The following FGGY variants were observed in gnomAD, a reference collection of about 807,000 sequenced individuals.
The protein encoded by FGGY is FGGY carbohydrate kinase domain containing.
FGGY carries 72 observed loss-of-function variants against 71.3 expected under a neutral mutation model. That is an observed-to-expected ratio of 1.01 (90% CI 0.84 to 1.23). The LOEUF is 1.23. Ranked by LOEUF, FGGY falls within the 50% of genes most tolerant of loss-of-function variation. The pLI is 0.00. For synonymous variants in FGGY, 251 were observed against 250.3 expected (o/e 1.00, Z -0.02); for missense variants, 668 against 682.3 (o/e 0.98, Z 0.23).
chr1:59,373,754 A>G (rs968304886), intron 4 of FGGY, among the ~76,000 whole-genome samples: 1 of 152,126 alleles, frequency 6.6e-6, no homozygotes, highest in Non-Finnish European at 1.5e-5. Context: ...ATAACGCCGC[A>G]TATCTACAAC....
intron 6 of FGGY, among the ~76,000 whole-genome samples, chr1:59,505,999 C>T (rs1206425346): frequency 2.0e-5 from 3 of 151,936 alleles, no homozygotes; most frequent in African/African-American, 4.8e-5. Flanking sequence ...AGACTTGAGC[C>T]TAAGAGCTCT....
chr1:59,303,112 T>C (rs1187506794), intron 1 of FGGY, among the ~76,000 whole-genome samples: 1 of 152,238 alleles, frequency 6.6e-6, no homozygotes, highest in Non-Finnish European at 1.5e-5. Flanking sequence ...TCACCTCATG[T>C]ACTCTTTCTT....
At chr1:59,537,987 A>T (rs534544080) in intron 7 of FGGY, among the ~76,000 whole-genome samples, 1 of 152,276 alleles carries the variant, frequency 6.6e-6, no homozygotes, top group East Asian at 1.9e-4. Context: ...AAAAGCCAAA[A>T]TTGACAAATG....
chr1:59,751,448 T>C (rs1418722416), intron 14 of FGGY, among the ~76,000 whole-genome samples: 1 of 152,224 alleles, frequency 6.6e-6, no homozygotes, highest in Non-Finnish European at 1.5e-5. Flanking sequence ...AAAAGCATGA[T>C]GTGCTATACT....
chr1:59,617,979 G>T (rs116454481), intron 9 of FGGY, among the ~76,000 whole-genome samples: 2 of 152,050 alleles, frequency 1.3e-5, no homozygotes, highest in Non-Finnish European at 2.9e-5. Context: ...GCTATAAATG[G>T]GTGTATGGAA....
intron 13 of FGGY, among the ~76,000 whole-genome samples, chr1:59,672,680 G>T (rs1442761520): frequency 6.6e-6 from 1 of 152,220 alleles, no homozygotes; most frequent in Non-Finnish European, 1.5e-5. Flanking sequence ...CTGGAGGAAA[G>T]AATTGAGTGG....
intron 2 of FGGY, among the ~76,000 whole-genome samples, chr1:59,337,214 C>T (rs1417815168): frequency 6.6e-6 from 1 of 151,920 alleles, no homozygotes; most frequent in African/African-American, 2.4e-5. Flanking sequence ...CAATGCAGTC[C>T]TGAATAAGTC....
rs183917389 is a variant in FGGY at position 59,333,818 on chromosome 1, C to T, written c.202-6140C>T. ...CTGCCTGTCAGGAAATGGGTTTGGTCCTCACACTGTAAGTCTAGATAGATC... is the reference window on the plus strand; with the variant it reads ...CTGCCTGTCAGGAAATGGGTTTGGTTCTCACACTGTAAGTCTAGATAGATC... On this transcript the variant is annotated intron_variant, in intron 2 of 15. Coordinates refer to ENST00000303721, the MANE Select transcript of FGGY (RefSeq NM_018291.5). Among the ~76,000 whole-genome samples, 2 of 152,296 alleles carry T rather than the reference C, an allele frequency of 1.3e-5. 1 individual carries two copies. Among genetic ancestry groups the T allele is most frequent in the Admixed American group, 1.3e-4 (2 of 15,296 alleles).
intron 14 of FGGY, among the ~76,000 whole-genome samples, chr1:59,702,469 C>T (rs72666293): frequency 0.17 from 25,479 of 152,060 alleles, 2,626 homozygotes; most frequent in Admixed American, 0.3. Context: ...AATGGAACTG[C>T]ATATAGCTGA....
chr1:59,588,322 T>C (rs2153781298), intron 8 of FGGY, among the ~76,000 whole-genome samples: 1 of 152,144 alleles, frequency 6.6e-6, no homozygotes, highest in East Asian at 1.9e-4. Context: ...GTCTGATTGG[T>C]GTACCTGAAA....
At chr1:59,333,126 A>G (rs562375464) in intron 2 of FGGY, among the ~76,000 whole-genome samples, 1 of 152,330 alleles carries the variant, frequency 6.6e-6, no homozygotes, top group East Asian at 1.9e-4. Context: ...TTCTTTGGAC[A>G]CCACATCCTG....
At chr1:59,333,871 C>T (rs2048958449) in intron 2 of FGGY, among the ~76,000 whole-genome samples, 1 of 152,208 alleles carries the variant, frequency 6.6e-6, no homozygotes, top group Admixed American at 6.5e-5. Flanking sequence ...TGGGTATTCA[C>T]TTGGTACTGT....
intron 14 of FGGY, chr1:59,754,988 C>T (rs895318917): frequency 6.6e-6 from 1 of 152,216 alleles, no homozygotes; most frequent in Non-Finnish European, 1.5e-5. Context: ...GGACATGCAG[C>T]AGATTCTCTG....
intron 14 of FGGY, among the ~76,000 whole-genome samples, chr1:59,683,857 G>A (rs976528618): frequency 6.6e-6 from 1 of 152,172 alleles, no homozygotes; most frequent in African/African-American, 2.4e-5. Context: ...TATTGAAGGG[G>A]AAGCCAAATT....
chr1:59,675,805 C>T (rs868842161), intron 14 of FGGY, among the ~76,000 whole-genome samples: 2 of 152,134 alleles, frequency 1.3e-5, no homozygotes, highest in South Asian at 4.1e-4. Flanking sequence ...GTGTTGTGAA[C>T]TGAATATTTG....
chr1:59,665,225 A>G (rs1275716465), intron 12 of FGGY, among the ~76,000 whole-genome samples: 1 of 152,128 alleles, frequency 6.6e-6, no homozygotes, highest in African/African-American at 2.4e-5. Flanking sequence ...AAGGGGGTTC[A>G]TGACCCCCCA....
chr1:59,305,958 C>T (rs1288651515), intron 1 of FGGY, among the ~76,000 whole-genome samples: 1 of 152,184 alleles, frequency 6.6e-6, no homozygotes, highest in Non-Finnish European at 1.5e-5. Context: ...TCTGTCTCCT[C>T]AACTCAGGGA....
At chr1:59,443,123 A>G (rs2070352562) in intron 5 of FGGY, among the ~76,000 whole-genome samples, 1 of 152,192 alleles carries the variant, frequency 6.6e-6, no homozygotes, top group Admixed American at 6.6e-5. Flanking sequence ...GGGCTACACT[A>G]CAGTATAGTA....
intron 1 of FGGY, among the ~76,000 whole-genome samples, chr1:59,319,627 A>G (rs567528234): frequency 7.4e-4 from 112 of 152,316 alleles, no homozygotes; most frequent in African/African-American, 2.6e-3. Flanking sequence ...GGAGAGAATT[A>G]GGAAGGGATG....
Sources: gnomAD v4.1 joint callset for allele counts (sites outside exome capture counted in the v4.1 genomes callset) on GRCh38, gnomAD v4.1.1 for gene constraint, MANE v1.5 for transcripts, NCBI Gene and HGNC (gene_info 2026-07-23, HGNC 2026-07-21) for gene names.